FAM149A: variants seen among roughly 807,000 people sequenced by gnomAD.
FAM149A encodes protein FAM149A.
In FAM149A, 71 loss-of-function variants were observed where a neutral mutation model predicts 78.2. That is an observed-to-expected ratio of 0.91 (90% CI 0.75 to 1.11). The LOEUF (loss-of-function observed/expected upper bound fraction) is 1.11. Among genes scored for constraint, FAM149A ranks in the 50% least tolerant of loss-of-function variants. The pLI is 0.00. For synonymous variants in FAM149A, 446 were observed against 410.5 expected, an observed-to-expected ratio of 1.09 and a Z score of -1.04; for missense variants, 1,036 against 971.0, an observed-to-expected ratio of 1.07 and a Z score of -0.89.
At chr4:186,123,133 A>T (rs1217123086) in intron 1 of FAM149A, 1 of 726,886 alleles carries the variant, frequency 1.4e-6, no homozygotes, top group African/African-American at 1.9e-5. Context: ...AACACTGGTC[A>T]TTCTGATGTG....
intron 6 of FAM149A, 36 bp downstream of exon 6, chr4:186,154,674 A>G: frequency 1.3e-6 from 2 of 1,566,964 alleles, no homozygotes; most frequent in Non-Finnish European, 1.7e-6. Flanking sequence ...ACCTCATAAA[A>G]TAATATTAAT....
At position 186,144,764 on chromosome 4, in the gene FAM149A, G is replaced by A. The variant is rs995225931; in HGVS notation, c.567-4409G>A. On this transcript the variant is annotated intron_variant, in intron 1 of 13. Coordinates refer to ENST00000389354, the MANE Select transcript of FAM149A (RefSeq NM_001367768.3). The surrounding 1 kb of genome is among the most constrained non-coding windows in gnomAD (Gnocchi z 4.2). ...GCCGGGGCCCGGAGCGGGGATGGGCGGGCGCAGCCGGGATTAGCTGGCGGG... is the reference window on the plus strand; with the variant it reads ...GCCGGGGCCCGGAGCGGGGATGGGCAGGCGCAGCCGGGATTAGCTGGCGGG... 130 of 949,480 alleles carry A rather than the reference G, an allele frequency of 1.4e-4. No individual in the cohort carries two copies. Among genetic ancestry groups the A allele is most frequent in the African/African-American group, 4.6e-4 (26 of 56,358 alleles). 58.8% of individuals were successfully genotyped at this position (949,480 alleles called of 1,614,324 possible). A position where few individuals can be genotyped will look rare whatever the true frequency, so the allele number is the denominator to read the frequency against.
At chr4:186,162,472 C>T (rs1423367625) in intron 8 of FAM149A, among the ~76,000 whole-genome samples, 1 of 152,188 alleles carries the variant, frequency 6.6e-6, no homozygotes, top group Non-Finnish European at 1.5e-5. Flanking sequence ...TCCGGGATCT[C>T]AGAGCATGGG....
chr4:186,117,579 G>T lies in FAM149A; in HGVS notation c.566+11937G>T, dbSNP rs373189903. The T allele has an allele frequency of 4.5e-4, 440 of 985,440 alleles. 3 individuals carry two copies. The African/African-American group carries it at 7.3e-3, about 16-fold the overall frequency. 61.0% of individuals were successfully genotyped at this position (985,440 alleles called of 1,614,324 possible). On this transcript the variant is annotated intron_variant, in intron 1 of 13. Coordinates refer to ENST00000389354, the MANE Select transcript of FAM149A (RefSeq NM_001367768.3). ...GAGGGCACTGTCGGAGACCAAAGCA[G>T]TGTGAGCAAAGCCGTGGAGGCCCAG...
At chr4:186,132,843 G>A (rs2099321276) in intron 1 of FAM149A, 1 of 337,114 alleles carries the variant, frequency 3.0e-6, no homozygotes, top group Non-Finnish European at 4.2e-6. Flanking sequence ...CAGCTTAAGT[G>A]TTTCCTTTTG....
intron 1 of FAM149A, chr4:186,109,068 C>G (rs770984549): frequency 8.2e-5 from 25 of 304,128 alleles, no homozygotes; most frequent in East Asian, 1.7e-4. Context: ...AGGATGGTCT[C>G]GATCTCCTGA....
Position 186,149,031 on chromosome 4 carries a change from T to TGTGTGC in FAM149A, c.567-141_567-140insTGTGCG, listed in dbSNP as rs776191178. On this transcript the variant is annotated intron_variant, in intron 1 of 13. Coordinates refer to ENST00000389354, the MANE Select transcript of FAM149A (RefSeq NM_001367768.3). The stretch of plus-strand genomic sequence containing the variant: ...GTGTGTGTGTGTGTGTGTGTGTGTG[T>TGTGTGC]GCGCTCATGCACAGGTGGGTTTGGA... 251 of 339,790 alleles carry TGTGTGC rather than the reference T, an allele frequency of 7.4e-4. 2 individuals are homozygous for TGTGTGC. The highest frequency in any genetic ancestry group is 4.8e-3 in the African/African-American group (211 of 44,004). 21.0% of individuals were successfully genotyped at this position (339,790 alleles called of 1,614,324 possible). A position where few individuals can be genotyped will look rare whatever the true frequency, so the allele number is the denominator to read the frequency against.
At chr4:186,149,737 ATT>A (rs1487734122) in intron 3 of FAM149A, 33 bp downstream of exon 3, 2 of 1,238,552 alleles carry the variant, frequency 1.6e-6, no homozygotes, top group Non-Finnish European at 2.1e-6. Context: ...TAATCTTGTA[ATT>A]ACAGTTTATA....
chr4:186,141,632 A>G (rs2099325826), intron 1 of FAM149A, among the ~76,000 whole-genome samples: 1 of 152,220 alleles, frequency 6.6e-6, no homozygotes, highest in Admixed American at 6.5e-5. Context: ...GAAATATAGA[A>G]GTCAAGACTT....
intron 1 of FAM149A, among the ~76,000 whole-genome samples, chr4:186,119,957 A>G (rs957264654): frequency 6.6e-6 from 1 of 152,188 alleles, no homozygotes; most frequent in African/African-American, 2.4e-5. Flanking sequence ...ATTGAATCCT[A>G]AGGAACTACA....
At position 186,144,951 on chromosome 4, in the gene FAM149A, G is replaced by A. The variant is rs1211372619; in HGVS notation, c.567-4222G>A. 2.2e-6 allele frequency: 2 copies of A among 912,114 alleles called. No homozygotes were observed. The highest frequency in any genetic ancestry group is 5.8e-5 in the African/African-American group (2 of 34,234). The allele number at this position is 912,114 out of a possible 1,614,324, so 56.5% of individuals were successfully genotyped here. A position where few individuals can be genotyped will look rare whatever the true frequency, so the allele number is the denominator to read the frequency against. On this transcript the variant is annotated intron_variant, in intron 1 of 13. Coordinates refer to ENST00000389354, the MANE Select transcript of FAM149A (RefSeq NM_001367768.3). This position sits in a 1 kb window ranked among gnomAD's most constrained non-coding sequence, Gnocchi z 4.2. ...CGGGCGCGGGCGCGGGCGCGGGCGC[G>A]GGCGCGGGCGGGTGGGGAGCCCCAG...
At chr4:186,159,839 G>A (rs780019016) in intron 8 of FAM149A, among the ~76,000 whole-genome samples, 10 of 137,728 alleles carry the variant, frequency 7.3e-5, no homozygotes, top group Middle Eastern at 3.9e-3. Context: ...CAGAGAACAC[G>A]GGTAAGGCAG....
chr4:186,110,047 A>T, intron 1 of FAM149A: 1 of 985,456 alleles, frequency 1.0e-6, no homozygotes, highest in Non-Finnish European at 1.2e-6. Context: ...TCCTCCACTG[A>T]AACCCTGTGA....
chr4:186,108,516 A>C (rs1484959861), intron 1 of FAM149A, among the ~76,000 whole-genome samples: 1 of 152,168 alleles, frequency 6.6e-6, no homozygotes, highest in Non-Finnish European at 1.5e-5. Context: ...AAAGATGCTG[A>C]ATAGCAGCAG....
chr4:186,150,542 C>G (rs1733449676), intron 3 of FAM149A, among the ~76,000 whole-genome samples: 1 of 133,130 alleles, frequency 7.5e-6, no homozygotes, highest in Non-Finnish European at 1.6e-5. Context: ...GCCTCAGCCT[C>G]CCGAGTAGCT....
Position 186,150,483 on chromosome 4 carries a change from G to T in FAM149A, c.789+779G>T, listed in dbSNP as rs1476057684. Among the ~76,000 whole-genome samples the T allele has an allele frequency of 2.3e-5, 3 of 127,924 alleles. 1 individual carries two copies. The highest frequency in any genetic ancestry group is 5.9e-5 in the African/African-American group (2 of 34,178). The allele number at this position is 127,924 out of a possible 152,430, so 83.9% of individuals were successfully genotyped here. A position where few individuals can be genotyped will look rare whatever the true frequency, so the allele number is the denominator to read the frequency against. On this transcript the variant is annotated intron_variant, in intron 3 of 13. Coordinates refer to ENST00000389354, the MANE Select transcript of FAM149A (RefSeq NM_001367768.3). ...CGCCCAGGCTGGAGTGCAGGGGCGC[G>T]ATCTCGGCTCACTGCAAGCTCCGCC... is the stretch of plus-strand genomic sequence containing the variant.
intron 8 of FAM149A, chr4:186,160,744 CCACACCACACCACACA>C: frequency 1.1e-6 from 1 of 945,696 alleles, no homozygotes; most frequent in Non-Finnish European, 1.3e-6. Flanking sequence ...CCCACACACA[CCACACCACACCACACA>C]CACACCACAT....
At chr4:186,111,792 A>T (rs1468276084) in intron 1 of FAM149A, among the ~76,000 whole-genome samples, 4 of 151,124 alleles carry the variant, frequency 2.6e-5, no homozygotes, top group Non-Finnish European at 5.9e-5. Context: ...TGTTTTGGTT[A>T]CTGTAGCCTT....
intron 3 of FAM149A, among the ~76,000 whole-genome samples, chr4:186,150,009 G>A (rs1000124193): frequency 3.3e-5 from 5 of 152,174 alleles, no homozygotes; most frequent in Non-Finnish European, 5.9e-5. Context: ...ATCCATGGCC[G>A]GAAATTCAGG....
Sources: allele counts gnomAD v4.1 joint callset (sites outside exome capture counted in the v4.1 genomes callset), GRCh38; gene constraint gnomAD v4.1.1; non-coding constraint Gnocchi (gnomAD v3.1); transcripts MANE v1.5; gene names NCBI Gene and HGNC (gene_info 2026-07-23, HGNC 2026-07-21).